SRGAP3: variants seen among roughly 807,000 people sequenced by gnomAD.
SRGAP3 encodes SLIT-ROBO Rho GTPase-activating protein 3.
SRGAP3 carries 39 observed loss-of-function variants against 121.1 expected under a neutral mutation model. The observed-to-expected ratio is 0.32, with a 90% CI of 0.25 to 0.42. SRGAP3 has a LOEUF of 0.42. Ranked by LOEUF, SRGAP3 falls within the 10% of genes least tolerant of loss-of-function variation. SRGAP3 has a pLI of 1.00. For missense variants in SRGAP3, 1,213 were observed against 1,470.6 expected, an observed-to-expected ratio of 0.82 and a Z score of 2.86; for synonymous variants, 601 against 570.0, an observed-to-expected ratio of 1.05 and a Z score of -0.77.
At chr3:9,287,919 G>A (rs995551750) in intron 3 of SRGAP3, among the ~76,000 whole-genome samples, 2 of 152,058 alleles carry the variant, frequency 1.3e-5, no homozygotes, top group East Asian at 1.9e-4. Context: ...TGTGATGTAT[G>A]TAGGTGTGAA....
intron 20 of SRGAP3, 188 bp downstream of exon 20, chr3:8,992,718 G>T: frequency 1.1e-6 from 1 of 877,098 alleles, no homozygotes; most frequent in Non-Finnish European, 1.8e-6. Flanking sequence ...TGCAACACAG[G>T]CTGGATGGTT....
intron 14 of SRGAP3, among the ~76,000 whole-genome samples, chr3:9,023,126 G>C (rs1310369453): frequency 6.6e-6 from 1 of 152,170 alleles, no homozygotes; most frequent in African/African-American, 2.4e-5. Context: ...AGGCAAAGTG[G>C]TTGCCAGGCT....
intron 3 of SRGAP3, among the ~76,000 whole-genome samples, chr3:9,255,567 C>T (rs557960360): frequency 2.6e-5 from 4 of 152,256 alleles, no homozygotes; most frequent in Admixed American, 2.6e-4. Context: ...CCTGGCTATC[C>T]CTGAACCAAT....
intron 1 of SRGAP3, among the ~76,000 whole-genome samples, chr3:9,240,515 T>C (rs1953590750): frequency 6.6e-6 from 1 of 152,084 alleles, no homozygotes; most frequent in South Asian, 2.1e-4. Flanking sequence ...AAGGTACTAC[T>C]CAGCTCTGCC....
At chr3:9,018,084 C>T (rs542882928) in intron 14 of SRGAP3, among the ~76,000 whole-genome samples, 1 of 152,338 alleles carries the variant, frequency 6.6e-6, no homozygotes, top group East Asian at 1.9e-4. Flanking sequence ...AGTTCCCACA[C>T]AGGAGTGAGA....
upstream of SRGAP3, chr3:9,249,700 C>G (rs1559242856): frequency 4.3e-6 from 1 of 231,322 alleles, no homozygotes; most frequent in Non-Finnish European, 8.6e-6. Flanking sequence ...TCACTAGACT[C>G]CGCCTCCCGG....
intron 18 of SRGAP3, among the ~76,000 whole-genome samples, chr3:9,009,032 C>CA (rs1943227012): frequency 6.6e-6 from 1 of 152,204 alleles, no homozygotes. Flanking sequence ...AAAGTGCTGA[C>CA]AAAAATCACC....
At chr3:9,153,043 T>C (rs1950266398) in intron 1 of SRGAP3, among the ~76,000 whole-genome samples, 1 of 152,154 alleles carries the variant, frequency 6.6e-6, no homozygotes, top group Admixed American at 6.5e-5. Context: ...CACATGCTCA[T>C]TTCTATCTTA....
Position 9,064,389 on chromosome 3 carries a change from C to T in SRGAP3, c.672+7G>A, listed in dbSNP as rs868413227. 7 of 1,614,212 alleles carry T rather than the reference C, an allele frequency of 4.3e-6. No homozygotes were observed. In the Middle Eastern group the frequency reaches 9.9e-4, roughly 228 times the overall value. On this transcript the variant is annotated splice_region_variant and intron_variant, in intron 5 of 21. Transcript: ENST00000383836. ...CCAATCGCTCCCAGCCCAGGGCCCC[C>T]ACTCACCTTCTCCTTCATCTTCTCA...
intron 3 of SRGAP3, among the ~76,000 whole-genome samples, chr3:9,311,163 C>T (rs916044680): frequency 6.8e-6 from 1 of 148,100 alleles, no homozygotes; most frequent in African/African-American, 2.6e-5. Context: ...GAGCAAGACT[C>T]CAGCTCAAAA....
chr3:9,053,461 G>A (rs1040734080), intron 8 of SRGAP3, among the ~76,000 whole-genome samples: 6 of 152,178 alleles, frequency 3.9e-5, no homozygotes, highest in East Asian at 1.9e-4. Flanking sequence ...ATATTTTATC[G>A]TATGGCTTCT....
At chr3:9,153,793 A>G (rs1454952355) in intron 1 of SRGAP3, among the ~76,000 whole-genome samples, 1 of 152,150 alleles carries the variant, frequency 6.6e-6, no homozygotes, top group Non-Finnish European at 1.5e-5. Flanking sequence ...ATGTTATCGT[A>G]TAGTGTTGTA....
At chr3:8,989,764 T>A (rs1322760974) in intron 21 of SRGAP3, among the ~76,000 whole-genome samples, 3 of 152,198 alleles carry the variant, frequency 2.0e-5, no homozygotes, top group Non-Finnish European at 2.9e-5. Context: ...TCATATAGAT[T>A]TTTCATCCAA....
intron 3 of SRGAP3, among the ~76,000 whole-genome samples, chr3:9,081,600 G>T (rs1277639627): frequency 6.6e-6 from 1 of 152,214 alleles, no homozygotes; most frequent in Non-Finnish European, 1.5e-5. Flanking sequence ...TTTTCTTAAT[G>T]CAGGACTTCT....
Position 8,982,570 on chromosome 3 carries a change from C to T in SRGAP3, c.*2949G>A, listed in dbSNP as rs573325281. The T allele has an allele frequency of 4.4e-6, 1 of 224,976 alleles. No individual in the cohort carries two copies. The highest frequency in any genetic ancestry group is 8.9e-6 in the Non-Finnish European group (1 of 112,664). The allele number at this position is 224,976 out of a possible 1,614,324, so 13.9% of individuals were successfully genotyped here. ...TAACAGTTACTTTCCAGCATTTAAG[C>T]AAATACAGCAATATATAGTGGACTA... On this transcript the variant is annotated 3_prime_UTR_variant, in exon 22 of 22. Coordinates refer to ENST00000383836, the MANE Select transcript of SRGAP3 (RefSeq NM_014850.4).
At chr3:9,351,784 C>T (rs1190530869) in intron 1 of SRGAP3, among the ~76,000 whole-genome samples, 3 of 152,156 alleles carry the variant, frequency 2.0e-5, no homozygotes, top group African/African-American at 7.2e-5. Context: ...CTGTATCAAA[C>T]AGCCTAGGTG....
chr3:9,184,588 T>C (rs1303050649), intron 1 of SRGAP3, among the ~76,000 whole-genome samples: 1 of 152,142 alleles, frequency 6.6e-6, no homozygotes, highest in Non-Finnish European at 1.5e-5. Context: ...TTATTAGAAA[T>C]GCAGACACAG....
intron 3 of SRGAP3, among the ~76,000 whole-genome samples, chr3:9,299,900 A>G (rs1208834687): frequency 2.0e-5 from 3 of 151,920 alleles, no homozygotes; most frequent in Non-Finnish European, 4.4e-5. Flanking sequence ...GTGAGACTCT[A>G]TCTCAAAAAC....
chr3:9,239,629 C>T lies in SRGAP3; in HGVS notation c.67+9256G>A, dbSNP rs1191092155. 1.3e-5 allele frequency among the ~76,000 whole-genome samples: 2 copies of T among 152,288 alleles called. No homozygotes were observed. Among genetic ancestry groups the T allele is most frequent in the Admixed American group, 6.5e-5 (1 of 15,302 alleles). The stretch of plus-strand genomic sequence containing the variant: ...AGCAGTGTGCACCCCATTACCATCA[C>T]GCACAGATGGGCACACGCAATGCAT... On this transcript the variant is annotated intron_variant, in intron 1 of 21. Transcript: ENST00000383836. This position sits in a 1 kb window ranked among gnomAD's most constrained non-coding sequence, Gnocchi z 4.0.
Sources: allele counts gnomAD v4.1 joint callset (sites outside exome capture counted in the v4.1 genomes callset), GRCh38; gene constraint gnomAD v4.1.1; non-coding constraint Gnocchi (gnomAD v3.1); transcripts MANE v1.5; gene names NCBI Gene and HGNC (gene_info 2026-07-23, HGNC 2026-07-21).